MAOA: variants seen among roughly 807,000 people sequenced by gnomAD.
MAOA encodes amine oxidase [flavin-containing] A.
In MAOA, 6 loss-of-function variants were observed where a neutral mutation model predicts 42.0. The ratio of observed to expected loss-of-function variants is 0.14; its 90% confidence interval spans 0.08 to 0.28. The LOEUF is 0.28. Among genes scored for constraint, MAOA ranks in the 10% least tolerant of loss-of-function variants. MAOA has a pLI of 1.00. For synonymous variants in MAOA, 140 were observed against 154.0 expected (o/e 0.91, Z 0.67); for missense variants, 262 against 422.3 (o/e 0.62, Z 3.33).
chrX:43,697,958 TA>T (rs2033594049), intron 3 of MAOA, among the ~76,000 whole-genome samples: 1 of 112,481 alleles, frequency 8.9e-6, no homozygotes, highest in African/African-American at 3.2e-5. Context: ...TCTCCACTTC[TA>T]GGGGAAAAGT....
chrX:43,728,391 T>A, intron 6 of MAOA, 77 bp downstream of exon 6: 1 of 1,047,920 alleles, frequency 9.5e-7, no homozygotes, highest in Non-Finnish European at 1.3e-6. Context: ...GTGTCTTTAA[T>A]AGTTGCTTCA....
At chrX:43,661,532 A>T (rs1328799346) in intron 1 of MAOA, among the ~76,000 whole-genome samples, 3 of 111,039 alleles carry the variant, frequency 2.7e-5, no homozygotes, top group Admixed American at 9.6e-5. Context: ...GGTATAAGCC[A>T]GATATGAGCA....
intron 10 of MAOA, among the ~76,000 whole-genome samples, chrX:43,736,831 G>A (rs2033923963): frequency 2.0e-5 from 2 of 98,713 alleles, no homozygotes; most frequent in Admixed American, 1.1e-4. Context: ...GTTTTGTTTT[G>A]GAATCCTTTG....
intron 7 of MAOA, 146 bp downstream of exon 7, chrX:43,731,536 AC>A: frequency 1.2e-6 from 1 of 862,516 alleles, no homozygotes; most frequent in Non-Finnish European, 1.7e-6. Flanking sequence ...TGGTTGACCT[AC>A]CTTGATCTGT....
chrX:43,671,918 C>T (rs1356143992), intron 1 of MAOA, among the ~76,000 whole-genome samples: 8 of 107,865 alleles, frequency 7.4e-5, no homozygotes, highest in East Asian at 2.9e-4. Flanking sequence ...ATTGACTTGG[C>T]GATGCAGGCT....
chrX:43,723,176 T>A (rs992666691), intron 5 of MAOA, among the ~76,000 whole-genome samples: 3 of 111,703 alleles, frequency 2.7e-5, no homozygotes, highest in African/African-American at 9.8e-5. Flanking sequence ...TGCGGGCTCT[T>A]TTTTTGGTTC....
intron 13 of MAOA, 41 bp from the exon 14 acceptor site, chrX:43,744,068 A>G (rs2033980834): frequency 8.3e-7 from 1 of 1,197,957 alleles, no homozygotes; most frequent in Non-Finnish European, 1.1e-6. Flanking sequence ...TGTAGAAACT[A>G]TACAGCCTCT....
At chrX:43,660,538 C>T (rs145935824) in intron 1 of MAOA, among the ~76,000 whole-genome samples, 1 of 111,213 alleles carries the variant, frequency 9.0e-6, no homozygotes, top group Non-Finnish European at 1.9e-5. Context: ...GGCTACACTA[C>T]GTTTATTTAG....
chrX:43,711,841 T>C (rs1293882587), intron 3 of MAOA, 31 bp from the exon 4 acceptor site: 4 of 1,065,687 alleles, frequency 3.8e-6, no homozygotes, highest in Non-Finnish European at 5.2e-6. Context: ...ATTACTCTTT[T>C]TGATTGATTC....
intron 3 of MAOA, among the ~76,000 whole-genome samples, chrX:43,709,656 T>A (rs1031447250): frequency 3.6e-5 from 4 of 111,814 alleles, no homozygotes; most frequent in Non-Finnish European, 7.5e-5. Flanking sequence ...CAGATTTCAG[T>A]TAAAGGAGGA....
intron 5 of MAOA, among the ~76,000 whole-genome samples, chrX:43,713,025 G>A (rs1357084947): frequency 1.8e-5 from 2 of 112,356 alleles, no homozygotes; most frequent in East Asian, 5.5e-4. Context: ...TTTAATGAAA[G>A]CATTGTGTGA....
chrX:43,734,839 A>C (rs1229495202), intron 9 of MAOA, among the ~76,000 whole-genome samples: 1 of 112,205 alleles, frequency 8.9e-6, no homozygotes, highest in Non-Finnish European at 1.9e-5. Context: ...TGGGAAGGGA[A>C]CTGTAAAAAG....
intron 1 of MAOA, among the ~76,000 whole-genome samples, chrX:43,662,301 T>A (rs1265489953): frequency 8.9e-6 from 1 of 111,864 alleles, no homozygotes; most frequent in Non-Finnish European, 1.9e-5. Flanking sequence ...AGGGTGTTTT[T>A]ACTTCATAAA....
At chrX:43,656,244 C>T, upstream of MAOA, 2 of 776,638 alleles carry the variant, frequency 2.6e-6, no homozygotes, top group Non-Finnish European at 1.9e-6. Context: ...GGATCGGCTC[C>T]GCCCCCGGGC....
At chrX:43,710,290 G>A (rs1040295186) in intron 3 of MAOA, among the ~76,000 whole-genome samples, 18 of 112,404 alleles carry the variant, frequency 1.6e-4, no homozygotes, top group African/African-American at 4.9e-4. Context: ...GTATTGCAGC[G>A]TTACAACATA....
At chrX:43,671,635 G>C (rs1413269429) in intron 1 of MAOA, among the ~76,000 whole-genome samples, 1 of 100,608 alleles carries the variant, frequency 9.9e-6, no homozygotes. Context: ...TGTAAGGAAG[G>C]GATCCAGTTT....
intron 1 of MAOA, among the ~76,000 whole-genome samples, chrX:43,670,265 C>T (rs764946262): frequency 5.4e-5 from 6 of 111,690 alleles, no homozygotes; most frequent in Non-Finnish European, 1.1e-4. Context: ...AGCTCTTCCA[C>T]ATAATACTAG....
chrX:43,731,454 C>T (rs891377472), intron 7 of MAOA, 64 bp downstream of exon 7: 5 of 1,085,252 alleles, frequency 4.6e-6, no homozygotes, highest in Non-Finnish European at 6.4e-6. Context: ...CAGTTTCTAA[C>T]CAGATATAAT....
At chrX:43,677,573 G>A (rs1447614440) in intron 1 of MAOA, among the ~76,000 whole-genome samples, 2 of 111,133 alleles carry the variant, frequency 1.8e-5, no homozygotes, top group African/African-American at 6.6e-5. Flanking sequence ...GCAAATTACT[G>A]AGGAGAGAGA....
Sources: gnomAD v4.1 joint callset for allele counts (sites outside exome capture counted in the v4.1 genomes callset) on GRCh38, gnomAD v4.1.1 for gene constraint, MANE v1.5 for transcripts, NCBI Gene and HGNC (gene_info 2026-07-23, HGNC 2026-07-21) for gene names.